The following FBXO31 variants were observed in gnomAD, a reference collection of about 807,000 sequenced individuals.
The protein encoded by FBXO31 is F-box only protein 31.
In FBXO31, 24 loss-of-function variants were observed where a neutral mutation model predicts 54.4. The ratio of observed to expected loss-of-function variants is 0.44; its 90% CI spans 0.32 to 0.62. The LOEUF (loss-of-function observed/expected upper bound fraction) is 0.62. Among genes scored for constraint, FBXO31 ranks in the 20% least tolerant of loss-of-function variants. The pLI is 0.05. For synonymous variants in FBXO31, 388 were observed against 335.6 expected (o/e 1.16, Z -1.71); for missense variants, 665 against 787.1 (o/e 0.84, Z 1.86).
At position 87,327,951 on chromosome 16, in the gene FBXO31, G is replaced by T. The variant is rs569141811; in HGVS notation, c.*3337C>A. The T allele has an allele frequency of 6.6e-6, 1 of 152,188 alleles. No individual in the cohort carries two copies. The highest frequency in any genetic ancestry group is 1.5e-5 in the Non-Finnish European group (1 of 68,052). 9.4% of individuals were successfully genotyped at this position (152,188 alleles called of 1,614,324 possible). A position where few individuals can be genotyped will look rare whatever the true frequency, so the allele number is the denominator to read the frequency against. On this transcript the variant is annotated 3_prime_UTR_variant, in exon 9 of 9. Transcript: ENST00000311635. ...AGCTGCTTTCTGCAGCACCTTGGAC[G>T]GTGGACCACAGCTCAGCATCTCCTG... is the stretch of plus-strand genomic sequence containing the variant.
chr16:87,343,378 CTG>C (rs1905252399), intron 4 of FBXO31, among the ~76,000 whole-genome samples: 1 of 152,262 alleles, frequency 6.6e-6, no homozygotes, highest in Admixed American at 6.5e-5. Context: ...GCGGCTCTAA[CTG>C]AGAGCAGAAT....
chr16:87,370,510 G>A (rs1906553531), intron 1 of FBXO31, among the ~76,000 whole-genome samples: 1 of 152,222 alleles, frequency 6.6e-6, no homozygotes, highest in African/African-American at 2.4e-5. Context: ...AGTCAGCACT[G>A]CAGAGTTCAG....
rs898937573 is a variant in FBXO31 at position 87,327,962 on chromosome 16, G to C, written c.*3326C>G. The C allele has an allele frequency of 6.6e-6, 1 of 152,210 alleles. No homozygotes were observed. The highest frequency in any genetic ancestry group is 1.5e-5 in the Non-Finnish European group (1 of 68,062). The allele number at this position is 152,210 out of a possible 1,614,324, so 9.4% of individuals were successfully genotyped here. A position where few individuals can be genotyped will look rare whatever the true frequency, so the allele number is the denominator to read the frequency against. ...GCAGCACCTTGGACGGTGGACCACA[G>C]CTCAGCATCTCCTGTTCGCACCCAA... is the stretch of plus-strand genomic sequence containing the variant. On this transcript the variant is annotated 3_prime_UTR_variant, in exon 9 of 9. Coordinates refer to ENST00000311635, the MANE Select transcript of FBXO31 (RefSeq NM_024735.5).
chr16:87,386,697 G>C (rs1167564264), upstream of FBXO31, among the ~76,000 whole-genome samples: 2 of 152,202 alleles, frequency 1.3e-5, no homozygotes, highest in African/African-American at 4.8e-5. Context: ...GCATCCCAAA[G>C]TGCTAGGATT....
In FBXO31 at chr16:87,338,024, T is replaced by TG. The variant is rs1905084121; in HGVS notation, c.733-1761dup. Among the ~76,000 whole-genome samples the TG allele has an allele frequency of 6.6e-6, 1 of 152,144 alleles. No individual in the cohort carries two copies. Among genetic ancestry groups the TG allele is most frequent in the Non-Finnish European group, 1.5e-5 (1 of 68,042 alleles). On this transcript the variant is annotated intron_variant, in intron 5 of 8. Coordinates refer to ENST00000311635, the MANE Select transcript of FBXO31 (RefSeq NM_024735.5). This position sits in a 1 kb window ranked among gnomAD's most constrained non-coding sequence, Gnocchi z 4.3. Reference sequence around the variant, plus strand: ...ACAGATAGAAACAAAAGTAACTGAATGTAATGAACAAAGATTTCAATGTTA... The same window carrying TG: ...ACAGATAGAAACAAAAGTAACTGAATGGTAATGAACAAAGATTTCAATGTTA...
intron 1 of FBXO31, among the ~76,000 whole-genome samples, chr16:87,369,900 T>A (rs1190502468): frequency 6.6e-6 from 1 of 152,198 alleles, no homozygotes; most frequent in Non-Finnish European, 1.5e-5. Context: ...ATTTAAAAGC[T>A]GTTTTGCCAA....
chr16:87,335,220 G>A lies in FBXO31; in HGVS notation c.996+84C>T. ...TGAGGAGCAAGGGTGCCGGGGATCA[G>A]TGTCTGCCCAAGTTCCCTGACTCCA... On this transcript the variant is annotated intron_variant, in intron 7 of 8. Transcript: ENST00000311635. This position sits in a 1 kb window ranked among gnomAD's most constrained non-coding sequence, Gnocchi z 5.7. 1 of 1,582,216 alleles carries A rather than the reference G, an allele frequency of 6.3e-7. No homozygotes were observed. Among genetic ancestry groups the A allele is most frequent in the African/African-American group, 1.3e-5 (1 of 74,652 alleles).
At chr16:87,361,932 A>G (rs1906151833) in intron 1 of FBXO31, among the ~76,000 whole-genome samples, 1 of 152,232 alleles carries the variant, frequency 6.6e-6, no homozygotes, top group Non-Finnish European at 1.5e-5. Context: ...GTTGTGGTCT[A>G]CGGGTCCCCC....
intron 1 of FBXO31, among the ~76,000 whole-genome samples, chr16:87,363,064 A>T (rs552102859): frequency 7.2e-5 from 11 of 152,164 alleles, no homozygotes; most frequent in African/African-American, 2.7e-4. Flanking sequence ...AATGACAGAG[A>T]AAAAACCAAC....
chr16:87,363,963 C>G (rs531643883), intron 1 of FBXO31, among the ~76,000 whole-genome samples: 1 of 152,060 alleles, frequency 6.6e-6, no homozygotes, highest in Non-Finnish European at 1.5e-5. Context: ...CAAATGTTTA[C>G]AAATGGGAGG....
chr16:87,367,635 C>A (rs1906424985), intron 1 of FBXO31: 1 of 152,254 alleles, frequency 6.6e-6, no homozygotes, highest in Non-Finnish European at 1.5e-5. Context: ...TTTCCAGGTT[C>A]CAGATGCCAC....
chr16:87,341,133 T>A (rs1905180675), intron 5 of FBXO31, among the ~76,000 whole-genome samples: 1 of 152,186 alleles, frequency 6.6e-6, no homozygotes, highest in Non-Finnish European at 1.5e-5. Context: ...CCCTCACTCC[T>A]GGGTGTTTCT....
At chr16:87,351,891 T>C (rs1905676378) in intron 2 of FBXO31, among the ~76,000 whole-genome samples, 1 of 152,072 alleles carries the variant, frequency 6.6e-6, no homozygotes, top group Middle Eastern at 3.4e-3. Flanking sequence ...AATATATATA[T>C]ACATCAGCTT....
At chr16:87,389,218 C>T (rs948895781) in intron 1 of FBXO31, among the ~76,000 whole-genome samples, 18 of 152,050 alleles carry the variant, frequency 1.2e-4, no homozygotes, top group African/African-American at 3.6e-4. Context: ...ACCTATGAGC[C>T]ATCTTTAAAC....
chr16:87,371,724 C>A (rs961160453), intron 1 of FBXO31, among the ~76,000 whole-genome samples: 3 of 152,252 alleles, frequency 2.0e-5, no homozygotes, highest in Admixed American at 6.5e-5. Context: ...CCCAGACCCT[C>A]AGATGCATTA....
At chr16:87,383,853 G>A (rs1416206466), upstream of FBXO31, 3 of 815,964 alleles carry the variant, frequency 3.7e-6, no homozygotes, top group Non-Finnish European at 4.7e-6. The surrounding 1 kb of genome is among the most constrained non-coding windows in gnomAD (Gnocchi z 4.9). Context: ...GCCCCCTGGA[G>A]AGCCTAGCCC....
chr16:87,383,607 A>C lies in FBXO31; in HGVS notation c.138T>G (p.Ala46=). ...DTDPEEERIE[A]SAGVGGGLCA... is the part of the protein sequence containing the mutation. ...ACAAGCCGCCCCCGACCCCGGCGCT[A>C]GCCTCGATGCGCTCCTCCTCGGGGT... Residue 46 remains alanine, a synonymous_variant, in exon 1 of 9, where the codon GCT becomes GCG. Transcript: ENST00000311635. This position sits in a 1 kb window ranked among gnomAD's most constrained non-coding sequence, Gnocchi z 4.9. 6.8e-7 allele frequency: 1 copy of C among 1,468,018 alleles called. No homozygotes were observed. The highest frequency in any genetic ancestry group is 9.0e-7 in the Non-Finnish European group (1 of 1,115,546). 90.9% of individuals were successfully genotyped at this position (1,468,018 alleles called of 1,614,324 possible). A position where few individuals can be genotyped will look rare whatever the true frequency, so the allele number is the denominator to read the frequency against.
At position 87,353,358 on chromosome 16, in the gene FBXO31, G is replaced by A. The variant is rs2150681355; in HGVS notation, c.413-6108C>T. Among the ~76,000 whole-genome samples, 2 of 152,386 alleles carry A rather than the reference G, an allele frequency of 1.3e-5. 1 individual carries two copies. The highest frequency in any genetic ancestry group is 1.3e-4 in the Admixed American group (2 of 15,310). The stretch of plus-strand genomic sequence containing the variant: ...CCCACAAAGTCCCCATTACTGTGGA[G>A]GCTGGGCTGAGTGGTCTCCCTCAAA... On this transcript the variant is annotated intron_variant, in intron 2 of 8. Coordinates refer to ENST00000311635, the MANE Select transcript of FBXO31 (RefSeq NM_024735.5).
At chr16:87,333,750 C>A (rs572383541) in intron 8 of FBXO31, 136 bp downstream of exon 8, 7 of 1,358,500 alleles carry the variant, frequency 5.2e-6, no homozygotes, top group Admixed American at 4.7e-5. Context: ...AGAGGCCGCA[C>A]TCCTGTCCCA....
Sources: allele counts gnomAD v4.1 joint callset (sites outside exome capture counted in the v4.1 genomes callset), GRCh38; gene constraint gnomAD v4.1.1; non-coding constraint Gnocchi (gnomAD v3.1); transcripts MANE v1.5; gene names NCBI Gene and HGNC (gene_info 2026-07-23, HGNC 2026-07-21).